CSMD1: variants seen among roughly 807,000 people sequenced by gnomAD.
The protein encoded by CSMD1 is CUB and sushi domain-containing protein 1.
In CSMD1, 213 loss-of-function variants were observed where a neutral mutation model predicts 417.5. The observed-to-expected ratio is 0.51, with a 90% confidence interval of 0.46 to 0.57. The LOEUF (loss-of-function observed/expected upper bound fraction) is 0.57, where lower values mean the gene tolerates loss of function less well. Ranked by LOEUF, CSMD1 falls within the 20% of genes least tolerant of loss-of-function variation. The pLI is 0.00. For missense variants in CSMD1, 6,923 were observed against 4,529.7 expected, an observed-to-expected ratio of 1.53 and a Z score of -15.17; for synonymous variants, 2,862 against 1,736.8, an observed-to-expected ratio of 1.65 and a Z score of -16.11.
At chr8:4,037,754 G>T (rs1004792373) in intron 3 of CSMD1, among the ~76,000 whole-genome samples, 1 of 152,038 alleles carries the variant, frequency 6.6e-6, no homozygotes, top group Admixed American at 6.6e-5. Flanking sequence ...AGATTTTACT[G>T]CAAACAGCCG....
chr8:3,990,835 T>G (rs1814686410), intron 5 of CSMD1, among the ~76,000 whole-genome samples: 1 of 152,062 alleles, frequency 6.6e-6, no homozygotes, highest in African/African-American at 2.4e-5. Context: ...CTCCTGGTAG[T>G]GAATCAGAGA....
intron 2 of CSMD1, among the ~76,000 whole-genome samples, chr8:4,530,489 C>T (rs947237875): frequency 6.6e-6 from 1 of 151,212 alleles, no homozygotes; most frequent in Admixed American, 6.6e-5. Flanking sequence ...CACTATCCCT[C>T]CCCTTTCCCC....
chr8:4,167,742 C>T (rs1797534236), intron 3 of CSMD1, among the ~76,000 whole-genome samples: 1 of 152,144 alleles, frequency 6.6e-6, no homozygotes, highest in Non-Finnish European at 1.5e-5. Flanking sequence ...GTAATTCCAG[C>T]ACTTTTAGAG....
At chr8:3,450,642 A>G (rs1021249825) in intron 12 of CSMD1, among the ~76,000 whole-genome samples, 10 of 151,898 alleles carry the variant, frequency 6.6e-5, no homozygotes, top group African/African-American at 2.4e-4. Flanking sequence ...AAGGACATGA[A>G]CTCATCATTT....
intron 26 of CSMD1, among the ~76,000 whole-genome samples, chr8:3,268,287 CTATTTTTTTTT>C (rs1028813504): frequency 8.7e-6 from 1 of 114,652 alleles, no homozygotes; most frequent in African/African-American, 3.5e-5. Context: ...GGTTCATTTC[CTATTTTTTTTT>C]TTTTTTTTTT....
intron 1 of CSMD1, among the ~76,000 whole-genome samples, chr8:4,858,865 C>T (rs915790589): frequency 6.7e-6 from 1 of 149,584 alleles, no homozygotes; most frequent in South Asian, 2.2e-4. Context: ...GATTCAATGC[C>T]ATCCCCATCA....
intron 1 of CSMD1, among the ~76,000 whole-genome samples, chr8:4,723,107 T>C (rs1008736478): frequency 6.6e-6 from 1 of 152,194 alleles, no homozygotes; most frequent in African/African-American, 2.4e-5. Context: ...CTTATATATC[T>C]GACTTGTACA....
chr8:4,876,802 T>A (rs559441700), intron 1 of CSMD1, among the ~76,000 whole-genome samples: 19 of 152,132 alleles, frequency 1.2e-4, no homozygotes, highest in Non-Finnish European at 2.4e-4. Flanking sequence ...TATTTTTCCT[T>A]CTCAGATCTA....
At chr8:4,484,980 C>CA (rs57398278) in intron 2 of CSMD1, among the ~76,000 whole-genome samples, 16 of 53,942 alleles carry the variant, frequency 3.0e-4, no homozygotes, top group East Asian at 7.9e-4. Context: ...GACTCTGCCT[C>CA]AAAAAAAAAA....
At chr8:4,364,122 C>T (rs1463720779) in intron 3 of CSMD1, among the ~76,000 whole-genome samples, 1 of 152,132 alleles carries the variant, frequency 6.6e-6, no homozygotes, top group African/African-American at 2.4e-5. Context: ...CTTTATTATG[C>T]ATTGCATGCC....
At chr8:4,522,959 A>G (rs1387981743) in intron 2 of CSMD1, among the ~76,000 whole-genome samples, 1 of 152,188 alleles carries the variant, frequency 6.6e-6, no homozygotes, top group African/African-American at 2.4e-5. Flanking sequence ...GAACCTGGAA[A>G]TGGAAAAGTT....
Position 3,828,925 on chromosome 8 carries a change from C to T in CSMD1, c.819-74883G>A, listed in dbSNP as rs149302918. The stretch of plus-strand genomic sequence containing the variant: ...GTGGCCTTCAGCTCACCCATTACTT[C>T]TGCACACTGGTCTTCTTTCTGTTTC... On this transcript the variant is annotated intron_variant, in intron 5 of 69. Coordinates refer to ENST00000635120, the MANE Select transcript of CSMD1 (RefSeq NM_033225.6). 5.8e-4 allele frequency among the ~76,000 whole-genome samples: 88 copies of T among 152,310 alleles called. 1 individual carries two copies. The highest frequency in any genetic ancestry group is 4.8e-3 in the South Asian group (23 of 4,826).
At chr8:4,672,096 A>G (rs1805367929) in intron 1 of CSMD1, among the ~76,000 whole-genome samples, 1 of 152,206 alleles carries the variant, frequency 6.6e-6, no homozygotes, top group Non-Finnish European at 1.5e-5. Context: ...TCGGCTTTCT[A>G]CAGTGACAGG....
At chr8:3,578,775 G>A (rs1444410378) in intron 9 of CSMD1, among the ~76,000 whole-genome samples, 1 of 152,128 alleles carries the variant, frequency 6.6e-6, no homozygotes. Context: ...TGGAGGCAGG[G>A]AAACTTCTTT....
chr8:4,699,375 C>A, intron 1 of CSMD1, among the ~76,000 whole-genome samples: 1 of 152,188 alleles, frequency 6.6e-6, no homozygotes, highest in East Asian at 1.9e-4. Context: ...AGAGTACCCA[C>A]AACTCACACC....
At chr8:4,413,940 T>C (rs987656684) in intron 3 of CSMD1, among the ~76,000 whole-genome samples, 2 of 152,198 alleles carry the variant, frequency 1.3e-5, no homozygotes, top group Admixed American at 1.3e-4. Flanking sequence ...AAATTTTGCA[T>C]TTGTTTCAAG....
intron 3 of CSMD1, among the ~76,000 whole-genome samples, chr8:4,203,625 G>A (rs1280636897): frequency 6.6e-6 from 1 of 152,078 alleles, no homozygotes; most frequent in Non-Finnish European, 1.5e-5. Flanking sequence ...AATATGTATG[G>A]CTGGGGGTGG....
chr8:4,914,678 C>A (rs371473687), intron 1 of CSMD1, among the ~76,000 whole-genome samples: 3 of 151,738 alleles, frequency 2.0e-5, no homozygotes, highest in African/African-American at 4.8e-5. Context: ...GACACTAATC[C>A]GTGAAAATGA....
rs62501283 is a variant in CSMD1 at position 4,076,166 on chromosome 8, G to T, written c.416-44067C>A. ...GAATCATGCGTGTGGTTGCTCCATG[G>T]TGTTCTCACGACAGTGAGTGAGTTC... On this transcript the variant is annotated intron_variant, in intron 3 of 69. Transcript: ENST00000635120. Among the ~76,000 whole-genome samples, 1,201 of 152,274 alleles carry T rather than the reference G, an allele frequency of 7.9e-3. 9 individuals are homozygous for T. Among genetic ancestry groups the T allele is most frequent in the Non-Finnish European group, 0.013 (883 of 68,022 alleles).
Sources: allele counts gnomAD v4.1 joint callset (sites outside exome capture counted in the v4.1 genomes callset), GRCh38; gene constraint gnomAD v4.1.1; transcripts MANE v1.5; gene names NCBI Gene and HGNC (gene_info 2026-07-23, HGNC 2026-07-21).